Variants in CCDC171 observed in about 807,000 individuals in gnomAD.
CCDC171 encodes the protein coiled-coil domain-containing protein 171.
Under a neutral mutation model 168.2 loss-of-function variants are expected in CCDC171, and 177 were observed. That is an observed-to-expected ratio of 1.05 (90% CI 0.93 to 1.19). CCDC171 has a LOEUF of 1.19. Ranked by LOEUF, CCDC171 falls within the 50% of genes most tolerant of loss-of-function variation. The pLI, the probability that CCDC171 is intolerant of heterozygous loss-of-function variation, is 0.00. For synonymous variants in CCDC171, 687 were observed against 540.8 expected (o/e 1.27, Z -3.75); for missense variants, 1,991 against 1,539.0 (o/e 1.29, Z -4.91).
intron 24 of CCDC171, 60 bp from the exon 25 acceptor site, chr9:15,920,210 A>C: frequency 9.3e-7 from 1 of 1,075,072 alleles, no homozygotes; most frequent in East Asian, 2.8e-5. Context: ...AAATTATGGA[A>C]ATTCTCCTTT....
chr9:16,052,506 A>G (rs1407021074), intron 1 of CCDC171, among the ~76,000 whole-genome samples: 4 of 152,172 alleles, frequency 2.6e-5, no homozygotes, highest in African/African-American at 9.7e-5. Flanking sequence ...CACACTGGAA[A>G]TGAGGAAACT....
intron 4 of CCDC171, among the ~76,000 whole-genome samples, chr9:15,583,164 C>G (rs2041268794): frequency 6.6e-6 from 1 of 152,060 alleles, no homozygotes; most frequent in African/African-American, 2.4e-5. Context: ...CGCCTGTAAT[C>G]CCAGCACTTT....
intron 24 of CCDC171, among the ~76,000 whole-genome samples, chr9:15,889,471 C>G (rs1196309751): frequency 1.3e-5 from 2 of 152,130 alleles, no homozygotes; most frequent in Non-Finnish European, 1.5e-5. Context: ...GCTATCTACT[C>G]TCTCTTGCAT....
chr9:15,592,898 G>A (rs1378714281), intron 5 of CCDC171, among the ~76,000 whole-genome samples: 2 of 151,686 alleles, frequency 1.3e-5, no homozygotes, highest in East Asian at 1.9e-4. Flanking sequence ...TATACTTTAA[G>A]CTTTAGGGTA....
chr9:16,001,309 T>C (rs1226821716), intron 3 of CCDC171, among the ~76,000 whole-genome samples: 1 of 152,132 alleles, frequency 6.6e-6, no homozygotes, highest in Non-Finnish European at 1.5e-5. Context: ...CTCTCTCTCT[T>C]GAAGAAAACA....
At chr9:15,576,106 T>G (rs2040635002) in intron 3 of CCDC171, among the ~76,000 whole-genome samples, 1 of 99,854 alleles carries the variant, frequency 1.0e-5, no homozygotes, top group African/African-American at 3.7e-5. Flanking sequence ...AAAAAAAAAT[T>G]ATAGCTACAT....
intron 18 of CCDC171, among the ~76,000 whole-genome samples, chr9:15,773,507 C>G (rs1405392452): frequency 6.6e-6 from 1 of 152,158 alleles, no homozygotes; most frequent in Admixed American, 6.5e-5. Context: ...ATAGGGTTCA[C>G]TTCTTTCATT....
At chr9:15,580,793 A>G (rs1276011841) in intron 4 of CCDC171, among the ~76,000 whole-genome samples, 1 of 152,190 alleles carries the variant, frequency 6.6e-6, no homozygotes, top group Admixed American at 6.6e-5. Flanking sequence ...AATGTAAATT[A>G]GTACAATCAC....
intron 7 of CCDC171, among the ~76,000 whole-genome samples, chr9:15,642,016 T>C (rs1006612396): frequency 5.3e-5 from 8 of 151,936 alleles, no homozygotes; most frequent in Non-Finnish European, 1.0e-4. Context: ...ATACAAAAAG[T>C]AGCTGGTCAT....
In CCDC171 at chr9:15,784,658, A is replaced by T. The variant is rs2057843414; in HGVS notation, c.3231A>T (p.Glu1077Asp). ...AACTTGAATTGCACTCCAGTGAGGA[A>T]GCTGACAAAAACCAAACTCTTGGAG... is the stretch of plus-strand genomic sequence containing the variant. ...NYKLELHSSE[E>D]ADKNQTLGEA... is the part of the protein sequence containing the mutation. Residue 1077 changes from glutamate to aspartate, a missense_variant, in exon 21 of 26, where the codon GAA (glutamate) becomes GAT (aspartate). By Grantham distance (45) the Glu-to-Asp change is conservative (BLOSUM62 2). Transcript: ENST00000380701. 6.2e-7 allele frequency: 1 copy of T among 1,613,292 alleles called. No individual in the cohort carries two copies. The highest frequency in any genetic ancestry group is 8.5e-7 in the Non-Finnish European group (1 of 1,179,562).
intron 21 of CCDC171, among the ~76,000 whole-genome samples, chr9:15,824,992 A>G (rs1427749627): frequency 6.6e-6 from 1 of 152,098 alleles, no homozygotes; most frequent in Non-Finnish European, 1.5e-5. Flanking sequence ...AAGTAATATT[A>G]TTGAAGAGAT....
chr9:15,579,203 T>G (rs374993075), intron 4 of CCDC171, among the ~76,000 whole-genome samples, 180 bp downstream of exon 4: 2 of 152,346 alleles, frequency 1.3e-5, no homozygotes, highest in South Asian at 4.1e-4. Context: ...TTGTGAACAT[T>G]TATCTACTTT....
intron 9 of CCDC171, among the ~76,000 whole-genome samples, chr9:15,670,896 A>G (rs906884748): frequency 3.9e-5 from 6 of 152,054 alleles, no homozygotes; most frequent in Non-Finnish European, 5.9e-5. Context: ...TAATCCCAGC[A>G]CTTTGGGAGG....
intron 21 of CCDC171, among the ~76,000 whole-genome samples, chr9:15,809,860 G>A (rs958758348): frequency 1.3e-5 from 2 of 152,166 alleles, no homozygotes; most frequent in Non-Finnish European, 2.9e-5. Flanking sequence ...TCCCTTATCT[G>A]GACCCACCCA....
At chr9:15,937,165 C>T (rs1234066367) in intron 25 of CCDC171, among the ~76,000 whole-genome samples, 1 of 151,948 alleles carries the variant, frequency 6.6e-6, no homozygotes, top group African/African-American at 2.4e-5. Context: ...TTTTATTACA[C>T]CTAAATTTTC....
intron 3 of CCDC171, among the ~76,000 whole-genome samples, chr9:15,985,782 T>C (rs966766629): frequency 1.3e-5 from 2 of 152,226 alleles, no homozygotes; most frequent in East Asian, 1.9e-4. Context: ...TCAGTACTTA[T>C]TTAAAAGATA....
intron 18 of CCDC171, among the ~76,000 whole-genome samples, chr9:15,746,717 T>C (rs189695200): frequency 1.5e-3 from 224 of 152,284 alleles, no homozygotes; most frequent in Admixed American, 4.1e-3. Flanking sequence ...CATTTCCAAC[T>C]GAGGTACCTT....
chr9:15,721,363 C>A (rs1206955177), intron 11 of CCDC171, among the ~76,000 whole-genome samples: 1 of 151,616 alleles, frequency 6.6e-6, no homozygotes, highest in African/African-American at 2.4e-5. Context: ...ACATAACTCC[C>A]CCAAACAATG....
chr9:15,719,099 T>G (rs539792327), intron 11 of CCDC171, among the ~76,000 whole-genome samples: 66 of 152,004 alleles, frequency 4.3e-4, no homozygotes, highest in African/African-American at 1.6e-3. Flanking sequence ...CACAGAGAAG[T>G]AATTCAAAAT....
Sources: allele counts gnomAD v4.1 joint callset (sites outside exome capture counted in the v4.1 genomes callset), GRCh38; gene constraint gnomAD v4.1.1; transcripts MANE v1.5; gene names NCBI Gene and HGNC (gene_info 2026-07-23, HGNC 2026-07-21).